Variants in DOP1A observed in about 807,000 individuals in gnomAD.
The protein encoded by DOP1A is DOP1 leucine zipper like protein A, also known as protein DOP1A.
DOP1A carries 90 observed loss-of-function variants against 267.6 expected under a neutral mutation model. That is an observed-to-expected ratio of 0.34 (90% confidence interval 0.28 to 0.40). DOP1A has a LOEUF of 0.40. Ranked by LOEUF, DOP1A falls within the 10% of genes least tolerant of loss-of-function variation. The probability of loss-of-function intolerance (pLI) is 1.00; values close to 1 mark genes in which losing one functional copy is unlikely to be tolerated. For missense variants in DOP1A, 2,437 were observed against 2,900.4 expected (o/e 0.84, Z 3.67); for synonymous variants, 932 against 999.1 (o/e 0.93, Z 1.27).
In DOP1A at chr6:83,129,571, AAG is replaced by A. The variant is rs1357179037; in HGVS notation, c.2341+66_2341+67del. The A allele has an allele frequency of 3.4e-5, 46 of 1,369,470 alleles. No individual in the cohort carries two copies. The East Asian group carries it at 1.1e-3, about 32-fold the overall frequency. The allele number at this position is 1,369,470 out of a possible 1,614,324, so 84.8% of individuals were successfully genotyped here. On this transcript the variant is annotated intron_variant, in intron 16 of 38. Coordinates refer to ENST00000349129, the MANE Select transcript of DOP1A (RefSeq NM_015018.4). ...TCTGTAGTATGTTTTTTCTTTTTAAAAGAGGCACTCAAAACTGGGGTTTTTTT... is the reference window on the plus strand; with the variant it reads ...TCTGTAGTATGTTTTTTCTTTTTAAAAGGCACTCAAAACTGGGGTTTTTTT...
rs1777000097 is a variant in DOP1A, at chr6:83,125,370, GTTAA to G, written c.1486-125_1486-122del. The stretch of plus-strand genomic sequence containing the variant: ...AGGCATCAGTAATAAAATATACAGT[GTTAA>G]TTAAGAGCATGATGCATATAAAACA... On this transcript the variant is annotated intron_variant, in intron 14 of 38. Transcript: ENST00000349129. 8 of 1,018,588 alleles carry G rather than the reference GTTAA, an allele frequency of 7.9e-6. No individual in the cohort carries two copies. In the East Asian group the frequency reaches 1.0e-4, roughly 13 times the overall value. The allele number at this position is 1,018,588 out of a possible 1,614,324, so 63.1% of individuals were successfully genotyped here. A position where few individuals can be genotyped will look rare whatever the true frequency, so the allele number is the denominator to read the frequency against.
intron 1 of DOP1A, among the ~76,000 whole-genome samples, chr6:83,083,184 T>C (rs1768444242): frequency 6.6e-6 from 1 of 152,178 alleles, no homozygotes; most frequent in Non-Finnish European, 1.5e-5. Flanking sequence ...TTGCCTTATA[T>C]TTTAAACACT....
Position 83,135,644 on chromosome 6 carries a change from C to T in DOP1A, c.2896C>T (p.Leu966Phe), listed in dbSNP as rs1778769474. 6.2e-7 allele frequency: 1 copy of T among 1,613,264 alleles called. No homozygotes were observed. The highest frequency in any genetic ancestry group is 8.5e-7 in the Non-Finnish European group (1 of 1,179,530). The change falls in exon 20 of 39, where the codon CTT becomes TTT. Residue 966 changes from leucine (L) to phenylalanine (F), a missense_variant. By Grantham distance (22) the Leu-to-Phe change is conservative. Transcript: ENST00000349129. Reference protein sequence around the residue: ...DRSLFIMLDSLNSLDGSTSSV... With the variant: ...DRSLFIMLDSFNSLDGSTSSV... ...GTCACTGTTCATCATGTTAGATAGC[C>T]TTAACAGTCTCGATGGTTCTACTAG...
chr6:83,118,245 A>G (rs187110852), intron 7 of DOP1A, among the ~76,000 whole-genome samples: 1 of 152,256 alleles, frequency 6.6e-6, no homozygotes, highest in African/African-American at 2.4e-5. Context: ...TTTGATTTTT[A>G]TAAATTTACC....
At chr6:83,164,465 ATTT>A (rs772814655) in intron 38 of DOP1A, among the ~76,000 whole-genome samples, 3 of 152,024 alleles carry the variant, frequency 2.0e-5, no homozygotes, top group Non-Finnish European at 2.9e-5. Context: ...AGTAATGAGA[ATTT>A]TTATAAGACC....
At chr6:83,099,211 G>C (rs1242842490) in intron 3 of DOP1A, among the ~76,000 whole-genome samples, 1 of 152,114 alleles carries the variant, frequency 6.6e-6, no homozygotes, top group South Asian at 2.1e-4. Context: ...ACCACACCAG[G>C]ACACTAGTTT....
chr6:83,091,836 C>T (rs772119717), intron 1 of DOP1A, among the ~76,000 whole-genome samples: 10 of 152,140 alleles, frequency 6.6e-5, no homozygotes, highest in Non-Finnish European at 1.0e-4. Context: ...AAAATTTATG[C>T]GTGTGTTTTA....
chr6:83,103,202 T>C (rs1772926469), intron 4 of DOP1A, among the ~76,000 whole-genome samples: 1 of 152,218 alleles, frequency 6.6e-6, no homozygotes, highest in South Asian at 2.1e-4. Context: ...TGAATGGAAT[T>C]GGAGACCATT....
intron 1 of DOP1A, among the ~76,000 whole-genome samples, chr6:83,068,949 C>T (rs1022086230): frequency 2.0e-5 from 3 of 152,114 alleles, no homozygotes; most frequent in African/African-American, 7.2e-5. Flanking sequence ...GTACCTAGTG[C>T]TGAAGGAACT....
chr6:83,160,048 T>C, intron 37 of DOP1A, 88 bp downstream of exon 37: 1 of 1,300,140 alleles, frequency 7.7e-7, no homozygotes, highest in Non-Finnish European at 1.1e-6. Context: ...AAAAGTTTTT[T>C]GTGTAAGTTG....
At chr6:83,118,632 TAGAC>T (rs1775860631) in intron 7 of DOP1A, among the ~76,000 whole-genome samples, 1 of 152,172 alleles carries the variant, frequency 6.6e-6, no homozygotes, top group African/African-American at 2.4e-5. Context: ...TTTTATTATA[TAGAC>T]AAAGAACTTT....
intron 7 of DOP1A, among the ~76,000 whole-genome samples, chr6:83,117,802 A>G (rs768958804): frequency 1.1e-4 from 16 of 152,234 alleles, no homozygotes; most frequent in Admixed American, 2.6e-4. Context: ...GTCTTGAACC[A>G]TACTTTCAGA....
intron 4 of DOP1A, among the ~76,000 whole-genome samples, chr6:83,101,179 C>T (rs1407590892): frequency 1.3e-5 from 2 of 152,044 alleles, no homozygotes; most frequent in African/African-American, 4.8e-5. Flanking sequence ...CCACGCCCGA[C>T]TAATTTTTTT....
chr6:83,135,063 C>A (rs1182742755), intron 19 of DOP1A, among the ~76,000 whole-genome samples: 1 of 152,132 alleles, frequency 6.6e-6, no homozygotes, highest in Non-Finnish European at 1.5e-5. Context: ...TATTTGACAA[C>A]CATCTTTCCT....
Position 83,134,204 on chromosome 6 carries a change from A to G in DOP1A, c.2787A>G (p.Ala929=). The G allele has an allele frequency of 6.2e-7, 1 of 1,612,904 alleles. No individual in the cohort carries two copies. The highest frequency in any genetic ancestry group is 8.5e-7 in the Non-Finnish European group (1 of 1,179,346). Reference sequence around the variant, plus strand: ...CTCCTCAGAAAATAAGGATGGAAGCACATGCCAAGTTTGCAGTTCTTTGGC... The same window carrying G: ...CTCCTCAGAAAATAAGGATGGAAGCGCATGCCAAGTTTGCAGTTCTTTGGC... ...THKDKKIRME[A]HAKFAVLWHL... Residue 929 remains alanine, a synonymous_variant, in exon 19 of 39, where the codon GCA becomes GCG. Coordinates refer to ENST00000349129, the MANE Select transcript of DOP1A (RefSeq NM_015018.4).
intron 1 of DOP1A, among the ~76,000 whole-genome samples, chr6:83,093,220 C>G (rs1017887360): frequency 6.6e-6 from 1 of 152,178 alleles, no homozygotes; most frequent in Non-Finnish European, 1.5e-5. Flanking sequence ...GTGCTTGGCA[C>G]ATGGTATGCT....
chr6:83,115,019 T>A (rs1775189782), intron 7 of DOP1A, among the ~76,000 whole-genome samples: 1 of 152,136 alleles, frequency 6.6e-6, no homozygotes, highest in Admixed American at 6.5e-5. Context: ...TAGAATACAA[T>A]CCAAGTATGG....
chr6:83,132,823 G>GAT (rs1191409445), intron 18 of DOP1A, among the ~76,000 whole-genome samples: 2 of 152,144 alleles, frequency 1.3e-5, no homozygotes, highest in African/African-American at 4.8e-5. Flanking sequence ...TATGAAGTGT[G>GAT]ATATATAATT....
chr6:83,124,926 G>A (rs768199997), intron 13 of DOP1A, 107 bp downstream of exon 13: 78 of 1,008,752 alleles, frequency 7.7e-5, no homozygotes, highest in South Asian at 5.2e-4. Flanking sequence ...AAATTAAATT[G>A]ATTTTTTCCT....
Sources: gnomAD v4.1 joint callset for allele counts (sites outside exome capture counted in the v4.1 genomes callset) on GRCh38, gnomAD v4.1.1 for gene constraint, MANE v1.5 for transcripts, NCBI Gene and HGNC (gene_info 2026-07-23, HGNC 2026-07-21) for gene names.